Variants in RETREG2 observed in about 807,000 individuals in gnomAD.
RETREG2 encodes reticulophagy regulator 2.
In RETREG2, 21 loss-of-function variants were observed where a neutral mutation model predicts 51.6. The ratio of observed to expected loss-of-function variants is 0.41; its 90% CI spans 0.29 to 0.59. RETREG2 has a LOEUF of 0.59. Among genes scored for constraint, RETREG2 ranks in the 20% least tolerant of loss-of-function variants. RETREG2 has a pLI of 0.34. For missense variants in RETREG2, 674 were observed against 646.0 expected (o/e 1.04, Z -0.47); for synonymous variants, 339 against 288.6 (o/e 1.17, Z -1.77).
In RETREG2 at chr2:219,179,930, C is replaced by T. The variant is rs564388110; in HGVS notation, c.419+167C>T. 40 of 1,129,312 alleles carry T rather than the reference C, an allele frequency of 3.5e-5. No homozygotes were observed. The East Asian group carries it at 9.1e-4, about 26-fold the overall frequency. 70.0% of individuals were successfully genotyped at this position (1,129,312 alleles called of 1,614,324 possible). ...CTGTGTAGGTGTTTGCGTGCCTGCT[C>T]CTTTTGGGGCAGAGGGTTGGGTCCT... On this transcript the variant is annotated intron_variant, in intron 3 of 8. Coordinates refer to ENST00000430297, the MANE Select transcript of RETREG2 (RefSeq NM_024293.6).
rs912010176 is a variant in RETREG2 at position 219,183,476 on chromosome 2, G to C, written c.*847G>C. On this transcript the variant is annotated 3_prime_UTR_variant, in exon 9 of 9. Transcript: ENST00000430297. Reference sequence around the variant, plus strand: ...TGCAGGTGTTGACTTGAAAAATAAAGTGTTGATTGGCTAGAACTGCTGCCT... The same window carrying C: ...TGCAGGTGTTGACTTGAAAAATAAACTGTTGATTGGCTAGAACTGCTGCCT... The C allele has an allele frequency of 6.6e-6, 1 of 152,360 alleles. No individual in the cohort carries two copies. The highest frequency in any genetic ancestry group is 1.5e-5 in the Non-Finnish European group (1 of 68,160). The allele number at this position is 152,360 out of a possible 1,614,324, so 9.4% of individuals were successfully genotyped here. A position where few individuals can be genotyped will look rare whatever the true frequency, so the allele number is the denominator to read the frequency against.
Position 219,182,195 on chromosome 2 carries a change from C to G in RETREG2, c.1198C>G (p.Arg400Gly). Reference protein sequence around the residue: ...EDVAAKETLLRLSSPLHFVNT... With the variant: ...EDVAAKETLLGLSSPLHFVNT... ...TGTGGCAGCTAAGGAAACCTTGTTG[C>G]GGCTCTCATCCCCCCTCCACTTTGT... Residue 400 changes from arginine (R) to glycine (G), a missense_variant, in exon 9 of 9, where the codon CGG becomes GGG. Arg to Gly is a moderately radical substitution (Grantham distance 125). Transcript: ENST00000430297. 1.9e-6 allele frequency: 3 copies of G among 1,614,102 alleles called. No individual in the cohort carries two copies. Among genetic ancestry groups the G allele is most frequent in the Non-Finnish European group, 2.5e-6 (3 of 1,180,000 alleles).
intron 6 of RETREG2, 43 bp downstream of exon 6, chr2:219,181,248 G>A: frequency 6.2e-7 from 1 of 1,612,524 alleles, no homozygotes; most frequent in Non-Finnish European, 8.5e-7. Flanking sequence ...GAGCGGGAGG[G>A]CCTTGGCTTG....
chr2:219,180,266 C>A, intron 4 of RETREG2, 21 bp downstream of exon 4: 1 of 1,613,994 alleles, frequency 6.2e-7, no homozygotes, highest in Non-Finnish European at 8.5e-7. Flanking sequence ...CTACATCATA[C>A]AACAGTTCAC....
chr2:219,180,279 C>T, intron 4 of RETREG2, 34 bp downstream of exon 4: 1 of 1,613,050 alleles, frequency 6.2e-7, no homozygotes. Context: ...CAGTTCACTA[C>T]ACTGAAGGGG....
intron 2 of RETREG2, among the ~76,000 whole-genome samples, 173 bp downstream of exon 2, chr2:219,179,201 T>G (rs1355675534): frequency 6.6e-6 from 1 of 152,212 alleles, no homozygotes; most frequent in Admixed American, 6.5e-5. Context: ...TTTCCCAAAC[T>G]AATACTACTG....
Position 219,181,630 on chromosome 2 carries a change from C to T in RETREG2, c.880-10C>T. On this transcript the variant is annotated splice_polypyrimidine_tract_variant and intron_variant, in intron 7 of 8. Coordinates refer to ENST00000430297, the MANE Select transcript of RETREG2 (RefSeq NM_024293.6). ...CTCACATGTCGTGTTCATCCTGGTT[C>T]TCCTGCCAGGTGGATGTGAAGAAAA... The T allele has an allele frequency of 1.2e-6, 2 of 1,613,620 alleles. No homozygotes were observed. Among genetic ancestry groups the T allele is most frequent in the African/African-American group, 1.3e-5 (1 of 75,034 alleles).
chr2:219,178,335 G>GGCGGCT lies in RETREG2; in HGVS notation c.-12_-7dup. 1 of 404,004 alleles carries GGCGGCT rather than the reference G, an allele frequency of 2.5e-6. No individual in the cohort carries two copies. The highest frequency in any genetic ancestry group is 4.4e-6 in the Non-Finnish European group (1 of 229,494). The allele number at this position is 404,004 out of a possible 1,614,324, so 25.0% of individuals were successfully genotyped here. ...GCCCTGGCTCCTCGCGGGCTCGGGC[G>GGCGGCT]GCGGCTGCGGCGGGGCTATGGCGAG... On this transcript the variant is annotated 5_prime_UTR_variant, in exon 1 of 9. Transcript: ENST00000430297.
rs1480353008 is a variant in RETREG2 at position 219,183,169 on chromosome 2, C to T, written c.*540C>T. The stretch of plus-strand genomic sequence containing the variant: ...GGGCACTGGCCAAGCTTTAGGGAGG[C>T]TCCTGGTCTGGGAAGTAAAGAGTAA... On this transcript the variant is annotated 3_prime_UTR_variant, in exon 9 of 9. Transcript: ENST00000430297. 6.2e-6 allele frequency: 1 copy of T among 162,264 alleles called. No individual in the cohort carries two copies. Among genetic ancestry groups the T allele is most frequent in the Non-Finnish European group, 1.4e-5 (1 of 72,784 alleles). The allele number at this position is 162,264 out of a possible 1,614,324, so 10.1% of individuals were successfully genotyped here. A position where few individuals can be genotyped will look rare whatever the true frequency, so the allele number is the denominator to read the frequency against.
chr2:219,181,432 G>A lies in RETREG2; in HGVS notation c.848G>A (p.Ser283Asn). Residue 283 changes from serine (S) to asparagine (N), a missense_variant, in exon 7 of 9, where the codon AGC becomes AAC. By Grantham distance (46) the Ser-to-Asn change is conservative (BLOSUM62 1). Coordinates refer to ENST00000430297, the MANE Select transcript of RETREG2 (RefSeq NM_024293.6). ...CCACTGGCAGAGACAGAGAGTGAAA[G>A]CGAGGCAGAGCTGGCTGGCTTCTCC... Reference protein sequence around the residue: ...DEPLAETESESEAELAGFSPV... With the variant: ...DEPLAETESENEAELAGFSPV... 6.2e-7 allele frequency: 1 copy of A among 1,614,134 alleles called. No individual in the cohort carries two copies. The highest frequency in any genetic ancestry group is 2.2e-5 in the East Asian group (1 of 44,876).
chr2:219,182,280 G>C lies in RETREG2; in HGVS notation c.1283G>C (p.Gly428Ala), dbSNP rs1950292190. 1.9e-6 allele frequency: 3 copies of C among 1,613,990 alleles called. No individual in the cohort carries two copies. The highest frequency in any genetic ancestry group is 2.7e-5 in the African/African-American group (2 of 74,896). ...PPDGVKCSPG[G>A]PVETLSPETV... is the part of the protein sequence containing the mutation. The stretch of plus-strand genomic sequence containing the variant: ...GATGGAGTGAAATGCTCCCCTGGAG[G>C]ACCAGTGGAGACACTGAGCCCCGAG... The change falls in exon 9 of 9, where the codon GGA (glycine) becomes GCA (alanine). Residue 428 changes from glycine to alanine, a missense_variant. Coordinates refer to ENST00000430297, the MANE Select transcript of RETREG2 (RefSeq NM_024293.6).
chr2:219,180,818 C>A, intron 5 of RETREG2, 64 bp downstream of exon 5: 2 of 1,556,416 alleles, frequency 1.3e-6, no homozygotes, highest in South Asian at 1.1e-5. Context: ...TGGACTGACC[C>A]AGAGGGAAGA....
At chr2:219,178,762 A>G in intron 1 of RETREG2, 129 bp downstream of exon 1, 5 of 1,209,292 alleles carry the variant, frequency 4.1e-6, no homozygotes, top group Admixed American at 2.9e-5. Context: ...GCAGGCTGAC[A>G]TCCGCTTGAA....
chr2:219,180,935 G>A lies in RETREG2; in HGVS notation c.641-127G>A, dbSNP rs139297479. On this transcript the variant is annotated intron_variant, in intron 5 of 8. Coordinates refer to ENST00000430297, the MANE Select transcript of RETREG2 (RefSeq NM_024293.6). ...GGGAGGAGGGCAGTGGATGTGGCAA[G>A]AAGAGGTTGGCACAGCCTTGGGAAA... 38 of 1,415,252 alleles carry A rather than the reference G, an allele frequency of 2.7e-5. No individual in the cohort carries two copies. The East Asian group carries it at 7.8e-4, about 29-fold the overall frequency. 87.7% of individuals were successfully genotyped at this position (1,415,252 alleles called of 1,614,324 possible). A position where few individuals can be genotyped will look rare whatever the true frequency, so the allele number is the denominator to read the frequency against.
chr2:219,179,288 G>A (rs894484587), intron 2 of RETREG2, among the ~76,000 whole-genome samples: 2 of 152,220 alleles, frequency 1.3e-5, no homozygotes, highest in African/African-American at 4.8e-5. Context: ...ATTTACCATT[G>A]CTGTGACCTT....
At position 219,182,247 on chromosome 2, in the gene RETREG2, C is replaced by A; in HGVS notation, c.1250C>A (p.Ser417Tyr). ...AACACGCACTTCAATGGGGCAGGGTCCCCCCCAGATGGAGTGAAATGCTCC... is the reference window on the plus strand; with the variant it reads ...AACACGCACTTCAATGGGGCAGGGTACCCCCCAGATGGAGTGAAATGCTCC... ...FVNTHFNGAGSPPDGVKCSPG... is the reference protein window; with the variant it reads ...FVNTHFNGAGYPPDGVKCSPG... The change falls in exon 9 of 9, where the codon TCC (serine) becomes TAC (tyrosine). Residue 417 changes from serine (S) to tyrosine (Y), a missense_variant. By Grantham distance (144) the Ser-to-Tyr change is moderately radical. Transcript: ENST00000430297. 1 of 1,613,990 alleles carries A rather than the reference C, an allele frequency of 6.2e-7. No individual in the cohort carries two copies. The highest frequency in any genetic ancestry group is 2.2e-5 in the East Asian group (1 of 44,884).
chr2:219,180,578 A>G (rs1950263914), intron 4 of RETREG2, 92 bp from the exon 5 acceptor site: 4 of 1,600,964 alleles, frequency 2.5e-6, no homozygotes, highest in African/African-American at 2.7e-5. Flanking sequence ...GTACATACCC[A>G]TCCTTCTACC....
chr2:219,178,617 C>G lies in RETREG2; in HGVS notation c.265C>G (p.Leu89Val). The G allele has an allele frequency of 2.7e-6, 4 of 1,456,468 alleles. No homozygotes were observed. Among genetic ancestry groups the G allele is most frequent in the Non-Finnish European group, 3.6e-6 (4 of 1,113,750 alleles). The allele number at this position is 1,456,468 out of a possible 1,614,324, so 90.2% of individuals were successfully genotyped here. ...GCACAGCCTGGTCACGGCGGCCGCG[C>G]TCAACGGCCTCTTCTGGTAACGGCC... ...PLHSLVTAAA[L>V]NGLFWLLSSS... The change falls in exon 1 of 9, where the codon CTC (leucine) becomes GTC (valine). Residue 89 changes from leucine (L) to valine (V), a missense_variant. Transcript: ENST00000430297.
chr2:219,181,825 C>T (rs776936026), intron 8 of RETREG2, 50 bp downstream of exon 8: 2 of 1,602,780 alleles, frequency 1.2e-6, no homozygotes. Context: ...CTTTGTGTTC[C>T]CTACCATGGG....
Sources: allele counts gnomAD v4.1 joint callset (sites outside exome capture counted in the v4.1 genomes callset), GRCh38; gene constraint gnomAD v4.1.1; transcripts MANE v1.5; gene names NCBI Gene and HGNC (gene_info 2026-07-23, HGNC 2026-07-21).